The following CNTNAP5 variants were observed in gnomAD, a reference collection of about 807,000 sequenced individuals.
CNTNAP5 encodes contactin associated protein family member 5.
In CNTNAP5, 72 loss-of-function variants were observed where a neutral mutation model predicts 150.2. That is an observed-to-expected ratio of 0.48 (90% CI 0.40 to 0.58). The LOEUF is 0.58. Among genes scored for constraint, CNTNAP5 ranks in the 20% least tolerant of loss-of-function variants. The probability of loss-of-function intolerance (pLI) is 0.00; values close to 1 mark genes in which losing one functional copy is unlikely to be tolerated. For synonymous variants in CNTNAP5, 672 were observed against 619.8 expected, an observed-to-expected ratio of 1.08 and a Z score of -1.25; for missense variants, 1,636 against 1,626.2, an observed-to-expected ratio of 1.01 and a Z score of -0.10.
chr2:124,909,829 A>ATATATC, intron 22 of CNTNAP5, among the ~76,000 whole-genome samples: 1 of 114,392 alleles, frequency 8.7e-6, no homozygotes, highest in Admixed American at 8.6e-5. Flanking sequence ...TTGGTGACAT[A>ATATATC]TATATATATA....
intron 3 of CNTNAP5, among the ~76,000 whole-genome samples, chr2:124,365,017 G>A (rs1314313431): frequency 6.6e-6 from 1 of 152,114 alleles, no homozygotes; most frequent in Non-Finnish European, 1.5e-5. Context: ...CCATAGAGTT[G>A]ATAGAACTCT....
intron 13 of CNTNAP5, among the ~76,000 whole-genome samples, chr2:124,651,603 T>G (rs1031087484): frequency 6.6e-6 from 1 of 152,166 alleles, no homozygotes; most frequent in Non-Finnish European, 1.5e-5. Flanking sequence ...CAAAATCTCC[T>G]GAAGTCAGAG....
intron 6 of CNTNAP5, among the ~76,000 whole-genome samples, chr2:124,473,721 A>G (rs1017954497): frequency 1.3e-5 from 2 of 152,044 alleles, no homozygotes; most frequent in Non-Finnish European, 2.9e-5. Flanking sequence ...AAAGCAGTGG[A>G]AAAAACTGCA....
chr2:124,533,941 G>A (rs548612376), intron 10 of CNTNAP5, among the ~76,000 whole-genome samples: 2 of 152,254 alleles, frequency 1.3e-5, no homozygotes, highest in Non-Finnish European at 1.5e-5. Flanking sequence ...GCCTGCGGGT[G>A]GTGGTGGTGC....
At chr2:124,875,623 C>T (rs771757962) in intron 21 of CNTNAP5, among the ~76,000 whole-genome samples, 22 of 151,306 alleles carry the variant, frequency 1.5e-4, no homozygotes, top group Non-Finnish European at 2.8e-4. Flanking sequence ...TGGTATTTAG[C>T]ATATACTCAA....
chr2:124,152,465 T>C, intron 1 of CNTNAP5, among the ~76,000 whole-genome samples: 1 of 152,166 alleles, frequency 6.6e-6, no homozygotes, highest in Non-Finnish European at 1.5e-5. Context: ...GTCGCAGATC[T>C]CCCTTTTGCT....
chr2:124,524,599 C>T, intron 9 of CNTNAP5, 147 bp downstream of exon 9: 1 of 735,492 alleles, frequency 1.4e-6, no homozygotes, highest in Non-Finnish European at 2.2e-6. Flanking sequence ...CACACACACC[C>T]TCAATCTCAA....
chr2:124,845,931 G>T (rs922081565), intron 19 of CNTNAP5, among the ~76,000 whole-genome samples: 1 of 151,254 alleles, frequency 6.6e-6, no homozygotes, highest in African/African-American at 2.4e-5. Context: ...TCTTTTCAAA[G>T]AACCAGCTTT....
chr2:124,199,362 C>T (rs1170527812), intron 1 of CNTNAP5, among the ~76,000 whole-genome samples: 1 of 150,680 alleles, frequency 6.6e-6, no homozygotes, highest in Middle Eastern at 3.2e-3. Flanking sequence ...AAGGTCTTTC[C>T]AGAGTATTTT....
intron 10 of CNTNAP5, among the ~76,000 whole-genome samples, chr2:124,548,531 G>A (rs1022365474): frequency 3.9e-5 from 6 of 152,126 alleles, no homozygotes; most frequent in Admixed American, 3.9e-4. Context: ...CCTGTGGTTG[G>A]CAACAGAGAA....
intron 19 of CNTNAP5, among the ~76,000 whole-genome samples, chr2:124,863,341 G>C (rs1279957856): frequency 2.0e-5 from 3 of 152,092 alleles, no homozygotes; most frequent in Non-Finnish European, 4.4e-5. Flanking sequence ...GGGCAGGAGG[G>C]GTACCTTGCC....
intron 21 of CNTNAP5, among the ~76,000 whole-genome samples, chr2:124,900,237 A>T (rs565685461): frequency 6.6e-6 from 1 of 151,720 alleles, no homozygotes. Context: ...GTGAATGTTG[A>T]GTATTTTGCA....
At chr2:124,362,615 A>T (rs1690244198) in intron 3 of CNTNAP5, among the ~76,000 whole-genome samples, 1 of 152,176 alleles carries the variant, frequency 6.6e-6, no homozygotes, top group African/African-American at 2.4e-5. Flanking sequence ...GAAAACTGTT[A>T]TTTATGGGGC....
At chr2:124,869,100 G>T (rs1028028299) in intron 20 of CNTNAP5, among the ~76,000 whole-genome samples, 6 of 152,118 alleles carry the variant, frequency 3.9e-5, no homozygotes, top group Admixed American at 1.3e-4. Flanking sequence ...TGCAAGATGG[G>T]ATTATCAATC....
intron 1 of CNTNAP5, among the ~76,000 whole-genome samples, chr2:124,086,751 A>G (rs1414083053): frequency 6.6e-6 from 1 of 151,690 alleles, no homozygotes; most frequent in Non-Finnish European, 1.5e-5. Context: ...GTCATGGCTT[A>G]TAATCCTATC....
chr2:124,540,992 G>A (rs1005332216), intron 10 of CNTNAP5, among the ~76,000 whole-genome samples: 11 of 151,972 alleles, frequency 7.2e-5, no homozygotes, highest in African/African-American at 2.7e-4. Flanking sequence ...TTATCTTCAG[G>A]CTCTACAAAA....
chr2:124,908,476 A>G (rs1242241156), intron 22 of CNTNAP5, among the ~76,000 whole-genome samples: 1 of 152,216 alleles, frequency 6.6e-6, no homozygotes, highest in Non-Finnish European at 1.5e-5. Flanking sequence ...ACAGTCATGT[A>G]CCATGTAAAG....
At chr2:124,269,922 C>T (rs1687700507) in intron 3 of CNTNAP5, among the ~76,000 whole-genome samples, 1 of 152,174 alleles carries the variant, frequency 6.6e-6, no homozygotes, top group Non-Finnish European at 1.5e-5. Flanking sequence ...ATCCCACTTA[C>T]TCAAATCATG....
chr2:124,163,450 G>C (rs1394382257), intron 1 of CNTNAP5, among the ~76,000 whole-genome samples: 2 of 152,166 alleles, frequency 1.3e-5, no homozygotes, highest in Non-Finnish European at 2.9e-5. Context: ...GATGGGATTA[G>C]CATGCTTTGA....
Sources: allele counts gnomAD v4.1 joint callset (sites outside exome capture counted in the v4.1 genomes callset), GRCh38; gene constraint gnomAD v4.1.1; transcripts MANE v1.5; gene names NCBI Gene and HGNC (gene_info 2026-07-23, HGNC 2026-07-21).